Variants in CD200 observed in about 807,000 individuals in gnomAD.
CD200 encodes the protein OX-2 membrane glycoprotein.
A neutral mutation model predicts 30.9 loss-of-function variants in CD200; 15 were observed. The observed-to-expected ratio is 0.49, with a 90% CI of 0.32 to 0.75. CD200 has a LOEUF of 0.75. CD200 is among the 30% of genes least tolerant of loss of function. The pLI is 0.03. For missense variants in CD200, 262 were observed against 324.2 expected, an observed-to-expected ratio of 0.81 and a Z score of 1.47; for synonymous variants, 134 against 126.2, an observed-to-expected ratio of 1.06 and a Z score of -0.41.
chr3:112,360,110 C>A (rs895212234), intron 5 of CD200, among the ~76,000 whole-genome samples: 12 of 152,128 alleles, frequency 7.9e-5, no homozygotes, highest in African/African-American at 2.6e-4. Context: ...GGCAGATCAC[C>A]TGAGGTCAGG....
intron 5 of CD200, among the ~76,000 whole-genome samples, chr3:112,353,332 G>T (rs2081569830): frequency 6.9e-6 from 1 of 144,986 alleles, no homozygotes; most frequent in African/African-American, 2.5e-5. Context: ...TGGTTTGGTT[G>T]AGTCAAGGCT....
chr3:112,358,792 A>G (rs1405219626), intron 5 of CD200, among the ~76,000 whole-genome samples: 1 of 152,162 alleles, frequency 6.6e-6, no homozygotes, highest in East Asian at 1.9e-4. Context: ...CTCTGCACTA[A>G]ACAACTTCTT....
rs2081356823 is a variant in CD200 at position 112,345,248 on chromosome 3, T to G, written c.381T>G (p.Gly127=). Residue 127 remains glycine (G), a synonymous_variant, in exon 3 of 6, where the codon GGT becomes GGG. Coordinates refer to ENST00000315711, the MANE Select transcript of CD200 (RefSeq NM_005944.7). ...ACATGTGTCTCTTCAATACCTTTGG[T>G]TTTGGGAAGATCTCAGGAACGGCCT... The part of the protein sequence containing the change: ...GCYMCLFNTF[G]FGKISGTACL... The G allele has an allele frequency of 6.2e-7, 1 of 1,613,926 alleles. No homozygotes were observed. The highest frequency in any genetic ancestry group is 1.7e-5 in the Admixed American group (1 of 60,004).
chr3:112,335,456 G>A (rs879712094), intron 1 of CD200, among the ~76,000 whole-genome samples: 1 of 152,142 alleles, frequency 6.6e-6, no homozygotes, highest in Non-Finnish European at 1.5e-5. Flanking sequence ...TGTCCTAATG[G>A]CACCTTCAGA....
chr3:112,338,278 T>C (rs2081163761), intron 1 of CD200, among the ~76,000 whole-genome samples: 1 of 152,212 alleles, frequency 6.6e-6, no homozygotes, highest in Admixed American at 6.5e-5. Flanking sequence ...GAAAAATGAT[T>C]CATCCTGGAT....
intron 1 of CD200, chr3:112,334,310 C>T (rs2081064373): frequency 2.1e-6 from 2 of 961,086 alleles, no homozygotes; most frequent in Non-Finnish European, 2.5e-6. Context: ...CTGGTAAGAC[C>T]CAGGTTTTTG....
chr3:112,349,601 C>T (rs2081491006), intron 4 of CD200, 111 bp from the exon 5 acceptor site: 1 of 692,656 alleles, frequency 1.4e-6, no homozygotes. Flanking sequence ...TACGTATAAA[C>T]CTACATATGT....
chr3:112,351,762 G>GGTTT (rs2081535983), intron 5 of CD200, among the ~76,000 whole-genome samples: 1 of 152,152 alleles, frequency 6.6e-6, no homozygotes, highest in African/African-American at 2.4e-5. Context: ...AAAGAAAAGA[G>GGTTT]GTTTATTTGG....
At chr3:112,333,126 C>T, upstream of CD200, 3 of 1,533,208 alleles carry the variant, frequency 2.0e-6, no homozygotes, top group Non-Finnish European at 2.6e-6. Context: ...GCGGCAGGGG[C>T]ACAGGTGACG....
chr3:112,342,823 C>T (rs1329364235), intron 2 of CD200, among the ~76,000 whole-genome samples: 1 of 152,144 alleles, frequency 6.6e-6, no homozygotes, highest in African/African-American at 2.4e-5. Context: ...GTACCTAAGA[C>T]TTAAAAGAAG....
chr3:112,344,078 T>G (rs1214111707), intron 2 of CD200, among the ~76,000 whole-genome samples: 2 of 152,240 alleles, frequency 1.3e-5, no homozygotes, highest in African/African-American at 4.8e-5. Context: ...ATTTTCTATA[T>G]CTCTAATTTC....
Position 112,361,656 on chromosome 3 carries a change from A to G in CD200, c.*106A>G. On this transcript the variant is annotated 3_prime_UTR_variant, in exon 6 of 6. Coordinates refer to ENST00000315711, the MANE Select transcript of CD200 (RefSeq NM_005944.7). ...ATTCTCCAAAGGACCTGAAAGAGCA[A>G]AAGAGGTGGGAGCGAAAGCCTTAAG... The G allele has an allele frequency of 3.9e-6, 4 of 1,038,184 alleles. No individual in the cohort carries two copies. In the South Asian group the frequency reaches 5.1e-5, roughly 13 times the overall value. The allele number at this position is 1,038,184 out of a possible 1,614,324, so 64.3% of individuals were successfully genotyped here.
chr3:112,361,618 A>G lies in CD200; in HGVS notation c.*68A>G. 7.1e-7 allele frequency: 1 copy of G among 1,402,716 alleles called. No individual in the cohort carries two copies. The highest frequency in any genetic ancestry group is 1.0e-6 in the Non-Finnish European group (1 of 987,392). 86.9% of individuals were successfully genotyped at this position (1,402,716 alleles called of 1,614,324 possible). A position where few individuals can be genotyped will look rare whatever the true frequency, so the allele number is the denominator to read the frequency against. On this transcript the variant is annotated 3_prime_UTR_variant, in exon 6 of 6. Transcript: ENST00000315711. ...GAATTTGACACAAGAGAAAAGCAGGAGGAAAAGGGGCCATTCTCCAAAGGA... is the reference window on the plus strand; with the variant it reads ...GAATTTGACACAAGAGAAAAGCAGGGGGAAAAGGGGCCATTCTCCAAAGGA...
intron 5 of CD200, among the ~76,000 whole-genome samples, chr3:112,355,978 AAAT>A (rs2081616953): frequency 6.6e-6 from 1 of 152,242 alleles, no homozygotes. Context: ...AATAAAGAAC[AAAT>A]GAGATTTTGT....
At chr3:112,358,652 C>T (rs939203887) in intron 5 of CD200, among the ~76,000 whole-genome samples, 1 of 152,122 alleles carries the variant, frequency 6.6e-6, no homozygotes, top group Non-Finnish European at 1.5e-5. Context: ...TAAACTGCCG[C>T]ATGTCAGGAA....
chr3:112,357,754 G>A (rs1265366161), intron 5 of CD200, among the ~76,000 whole-genome samples: 2 of 152,238 alleles, frequency 1.3e-5, no homozygotes, highest in Admixed American at 1.3e-4. Context: ...TGGAAACTGC[G>A]AGTTTAAGCA....
chr3:112,348,259 C>G (rs1002185797), intron 4 of CD200, among the ~76,000 whole-genome samples: 1 of 152,146 alleles, frequency 6.6e-6, no homozygotes, highest in East Asian at 1.9e-4. Flanking sequence ...TATGATGCAC[C>G]ATGGGAGGAT....
chr3:112,348,256 C>T (rs1256796060), intron 4 of CD200, among the ~76,000 whole-genome samples: 2 of 152,140 alleles, frequency 1.3e-5, no homozygotes, highest in Non-Finnish European at 2.9e-5. Context: ...AGCTATGATG[C>T]ACCATGGGAG....
rs140700433 is a variant in CD200 at position 112,339,401 on chromosome 3, G to A, written c.13-1501G>A. On this transcript the variant is annotated intron_variant, in intron 1 of 5. Coordinates refer to ENST00000315711, the MANE Select transcript of CD200 (RefSeq NM_005944.7). ...TTGATTGGATGAATGCAGAGTGATG[G>A]AGGAACTAGCTTTTCTGGCTCAGGG... 9.3e-3 allele frequency among the ~76,000 whole-genome samples: 1,422 copies of A among 152,300 alleles called. 32 individuals are homozygous for A. The highest frequency in any genetic ancestry group is 0.032 in the African/African-American group (1,338 of 41,564).
Sources: allele counts gnomAD v4.1 joint callset (sites outside exome capture counted in the v4.1 genomes callset), GRCh38; gene constraint gnomAD v4.1.1; transcripts MANE v1.5; gene names NCBI Gene and HGNC (gene_info 2026-07-23, HGNC 2026-07-21).